Variants in OTOL1 observed in about 807,000 individuals in gnomAD.
OTOL1 encodes otolin-1.
OTOL1 carries 31 observed loss-of-function variants against 25.0 expected under a neutral mutation model. The ratio of observed to expected loss-of-function variants is 1.24; its 90% confidence interval spans 0.93 to 1.67. The LOEUF (loss-of-function observed/expected upper bound fraction) is 1.67. OTOL1 is among the 40% of genes most tolerant of loss of function. OTOL1 has a pLI of 0.00. For missense variants in OTOL1, 654 were observed against 587.7 expected, an observed-to-expected ratio of 1.11 and a Z score of -1.17; for synonymous variants, 225 against 210.3, an observed-to-expected ratio of 1.07 and a Z score of -0.61.
At chr3:161,502,180 C>G (rs925825900) in intron 2 of OTOL1, 127 bp from the exon 3 acceptor site, 114 of 840,300 alleles carry the variant, frequency 1.4e-4, no homozygotes, top group Non-Finnish European at 1.7e-4. Flanking sequence ...CATTCTTTTT[C>G]CACACGATTT....
In OTOL1 at chr3:161,503,718, A is replaced by G. The variant is rs1162419891; in HGVS notation, c.1210A>G (p.Ser404Gly). The G allele has an allele frequency of 6.2e-7, 1 of 1,613,808 alleles. No individual in the cohort carries two copies. Among genetic ancestry groups the G allele is most frequent in the Admixed American group, 1.7e-5 (1 of 60,002 alleles). Residue 404 changes from serine (S) to glycine (G), a missense_variant, in exon 4 of 4, where the codon AGT (serine) becomes GGT (glycine). Transcript: ENST00000327928. ...GGTGAGGGGGCGACCTGCTCGAATC[A>G]GTCTGGTGGCCCAGAATAAGAAGCA... ...ITVRGRPARI[S>G]LVAQNKKQFK...
Position 161,503,103 on chromosome 3 carries a change from A to T in OTOL1, c.595A>T (p.Thr199Ser). 7.1e-7 allele frequency: 1 copy of T among 1,418,334 alleles called. No individual in the cohort carries two copies. Among genetic ancestry groups the T allele is most frequent in the Non-Finnish European group, 9.2e-7 (1 of 1,084,676 alleles). The allele number at this position is 1,418,334 out of a possible 1,614,324, so 87.9% of individuals were successfully genotyped here. A position where few individuals can be genotyped will look rare whatever the true frequency, so the allele number is the denominator to read the frequency against. ...AGGACAAAAAGGCTCCAAGGGAGACACATGTGGGAATTGTACCAAAGGAGA... is the reference window on the plus strand; with the variant it reads ...AGGACAAAAAGGCTCCAAGGGAGACTCATGTGGGAATTGTACCAAAGGAGA... ...VKGQKGSKGD[T>S]CGNCTKGEKG... Residue 199 changes from threonine to serine, a missense_variant, in exon 4 of 4, where the codon ACA becomes TCA. Coordinates refer to ENST00000327928, the MANE Select transcript of OTOL1 (RefSeq NM_001080440.1).
In OTOL1 at chr3:161,499,339, A is replaced by C; in HGVS notation, c.454+79A>C. On this transcript the variant is annotated intron_variant, in intron 2 of 3. Coordinates refer to ENST00000327928, the MANE Select transcript of OTOL1 (RefSeq NM_001080440.1). ...GAGAGCAATTTGCTACTTAAAGACTAGATTCTTGCAGATGAGTCAATTTTA... is the reference window on the plus strand; with the variant it reads ...GAGAGCAATTTGCTACTTAAAGACTCGATTCTTGCAGATGAGTCAATTTTA... The C allele has an allele frequency of 3.1e-6, 3 of 955,782 alleles. No individual in the cohort carries two copies. In the South Asian group the frequency reaches 4.7e-5, roughly 15 times the overall value. The allele number at this position is 955,782 out of a possible 1,614,324, so 59.2% of individuals were successfully genotyped here.
chr3:161,503,810 A>G lies in OTOL1; in HGVS notation c.1302A>G (p.Lys434=), dbSNP rs1719043848. 6.2e-7 allele frequency: 1 copy of G among 1,613,960 alleles called. No individual in the cohort carries two copies. Among genetic ancestry groups the G allele is most frequent in the Non-Finnish European group, 8.5e-7 (1 of 1,179,874 alleles). The change falls in exon 4 of 4, where the codon AAA becomes AAG. Residue 434 remains lysine (K), a synonymous_variant. Coordinates refer to ENST00000327928, the MANE Select transcript of OTOL1 (RefSeq NM_001080440.1). ...IDQASLLVIL[K]LSAGDQVWLE... is the part of the protein sequence containing the mutation. ...AGGCCTCTCTCCTCGTCATCTTGAA[A>G]TTAAGTGCAGGAGACCAAGTCTGGC...
rs763365520 is a variant in OTOL1 at position 161,496,969 on chromosome 3, A to T, written c.162A>T (p.Glu54Asp). The T allele has an allele frequency of 1.2e-6, 2 of 1,613,522 alleles. No homozygotes were observed. The highest frequency in any genetic ancestry group is 1.7e-6 in the Non-Finnish European group (2 of 1,179,674). ...LKPSSGPPPEEEETLFTEMAE... is the reference protein window; with the variant it reads ...LKPSSGPPPEDEETLFTEMAE... ...CATCCAGTGGCCCACCTCCAGAAGA[A>T]GAAGAAACCCTCTTCACAGAAATGG... is the stretch of plus-strand genomic sequence containing the variant. Residue 54 changes from glutamate to aspartate, a missense_variant, in exon 1 of 4, where the codon GAA becomes GAT. Transcript: ENST00000327928.
At chr3:161,500,139 C>T (rs1343053762) in intron 2 of OTOL1, among the ~76,000 whole-genome samples, 2 of 152,122 alleles carry the variant, frequency 1.3e-5, no homozygotes, top group Non-Finnish European at 2.9e-5. Context: ...TGTCAAAAGG[C>T]CTAATACCAT....
At chr3:161,502,689 G>A (rs190550062) in intron 3 of OTOL1, among the ~76,000 whole-genome samples, 5 of 152,180 alleles carry the variant, frequency 3.3e-5, no homozygotes, top group African/African-American at 1.2e-4. Context: ...GGAATACCTG[G>A]GTTAGGCCAA....
At chr3:161,497,535 G>C (rs1246482329) in intron 1 of OTOL1, among the ~76,000 whole-genome samples, 1 of 152,064 alleles carries the variant, frequency 6.6e-6, no homozygotes, top group Admixed American at 6.6e-5. Context: ...TGGTGCTCTG[G>C]TTCTTCAAGA....
chr3:161,502,054 G>C (rs769473856), intron 2 of OTOL1, among the ~76,000 whole-genome samples: 25 of 152,284 alleles, frequency 1.6e-4, no homozygotes, highest in South Asian at 4.1e-4. Context: ...TTTTTGTAGA[G>C]ATGGGGTTTC....
In OTOL1 at chr3:161,503,877, G is replaced by A; in HGVS notation, c.1369G>A (p.Glu457Lys). ...KDWNGVYVSA[E>K]DDSIFTGFLL... ...TTGGAATGGGGTGTATGTCAGTGCT[G>A]AGGATGACAGCATTTTTACTGGGTT... The change falls in exon 4 of 4, where the codon GAG (glutamate) becomes AAG (lysine). Residue 457 changes from glutamate to lysine, a missense_variant. Coordinates refer to ENST00000327928, the MANE Select transcript of OTOL1 (RefSeq NM_001080440.1). 1 of 1,613,798 alleles carries A rather than the reference G, an allele frequency of 6.2e-7. No individual in the cohort carries two copies. The highest frequency in any genetic ancestry group is 8.5e-7 in the Non-Finnish European group (1 of 1,179,846).
At chr3:161,499,316 G>A in intron 2 of OTOL1, 56 bp downstream of exon 2, 1 of 1,357,926 alleles carries the variant, frequency 7.4e-7, no homozygotes, top group Non-Finnish European at 1.0e-6. Context: ...TTTTTCAGGA[G>A]AGCAATTTGC....
rs748615137 is a variant in OTOL1 at position 161,496,881 on chromosome 3, CCACACCA to C, written c.77_83del (p.Thr26IlefsTer17). ...GCTGGTATGAACACAATAGCAAAGA[CCACACCA>C]CATACCAAATTTACGAAGAAATCTG... On this transcript the variant is annotated frameshift_variant, in exon 1 of 4. Transcript: ENST00000327928. LOFTEE classifies it high-confidence loss of function. 6.2e-7 allele frequency: 1 copy of C among 1,612,928 alleles called. No homozygotes were observed.
intron 2 of OTOL1, among the ~76,000 whole-genome samples, 158 bp downstream of exon 2, chr3:161,499,418 T>C (rs573607705): frequency 2.6e-5 from 4 of 152,342 alleles, no homozygotes; most frequent in South Asian, 2.1e-4. Flanking sequence ...ATGTTAACTT[T>C]ATAAACAGCC....
Position 161,499,172 on chromosome 3 carries a change from T to C in OTOL1, c.366T>C (p.Gly122=). The C allele has an allele frequency of 1.2e-6, 2 of 1,606,436 alleles. No individual in the cohort carries two copies. Among genetic ancestry groups the C allele is most frequent in the Non-Finnish European group, 1.7e-6 (2 of 1,175,924 alleles). Residue 122 remains glycine, a splice_region_variant and synonymous_variant, in exon 2 of 4, where the codon GGT becomes GGC. Transcript: ENST00000327928. ...ATGTATTTAAAATCCCATTTCTAGG[T>C]CCTAAAGGAGAGGCTGGAAATTTGG... The part of the protein sequence containing the change: ...KGEPGETGQP[G]PKGEAGNLGI...
rs1429646440 is a variant in OTOL1 at position 161,503,433 on chromosome 3, C to T, written c.925C>T (p.Pro309Ser). Residue 309 changes from proline to serine, a missense_variant, in exon 4 of 4, where the codon CCG becomes TCG. Physicochemically the swap from Pro to Ser is moderately conservative, Grantham distance 74. Transcript: ENST00000327928. ...TCCTGGTCTCCTGGGACCTACTGGG[C>T]CGAAGGGTGACATTGGCAACAAAGG... ...GPPGLLGPTGPKGDIGNKGVR... is the reference protein window; with the variant it reads ...GPPGLLGPTGSKGDIGNKGVR... 1.2e-6 allele frequency: 2 copies of T among 1,613,276 alleles called. No homozygotes were observed. The highest frequency in any genetic ancestry group is 1.3e-5 in the African/African-American group (1 of 74,900).
chr3:161,496,814 A>G lies in OTOL1; in HGVS notation c.7A>G (p.Met3Val), dbSNP rs1560141672. ...CTTTCTTCCAGCTTCAAATATGTGG[A>G]TGTTTTCTTGGCTTTGTGCTATTTT... is the stretch of plus-strand genomic sequence containing the variant. MW[M>V]FSWLCAILII... The change falls in exon 1 of 4, where the codon ATG (methionine) becomes GTG (valine). Residue 3 changes from methionine (M) to valine (V), a missense_variant. Physicochemically the swap from Met to Val is conservative, Grantham distance 21. Coordinates refer to ENST00000327928, the MANE Select transcript of OTOL1 (RefSeq NM_001080440.1). 1.9e-6 allele frequency: 3 copies of G among 1,567,084 alleles called. No individual in the cohort carries two copies. The highest frequency in any genetic ancestry group is 4.0e-5 in the Admixed American group (2 of 50,626).
chr3:161,503,161 G>A lies in OTOL1; in HGVS notation c.653G>A (p.Gly218Asp). 1 of 1,443,692 alleles carries A rather than the reference G, an allele frequency of 6.9e-7. No individual in the cohort carries two copies. Among genetic ancestry groups the A allele is most frequent in the Non-Finnish European group, 9.1e-7 (1 of 1,097,332 alleles). The allele number at this position is 1,443,692 out of a possible 1,614,324, so 89.4% of individuals were successfully genotyped here. A position where few individuals can be genotyped will look rare whatever the true frequency, so the allele number is the denominator to read the frequency against. The stretch of plus-strand genomic sequence containing the variant: ...GACCAAGGGGCTATGGGCTCACCTG[G>A]CCTGCACGGAGGGCCTGGCGCCAAG... ...KGDQGAMGSP[G>D]LHGGPGAKGE... Residue 218 changes from glycine (G) to aspartate (D), a missense_variant, in exon 4 of 4, where the codon GGC becomes GAC. Coordinates refer to ENST00000327928, the MANE Select transcript of OTOL1 (RefSeq NM_001080440.1).
chr3:161,502,944 C>A, intron 3 of OTOL1, 82 bp from the exon 4 acceptor site: 2 of 1,112,032 alleles, frequency 1.8e-6, no homozygotes, highest in African/African-American at 1.6e-5. Flanking sequence ...AGGTTTGTTT[C>A]TACTTTTTTG....
intron 2 of OTOL1, among the ~76,000 whole-genome samples, chr3:161,499,718 T>C (rs1718926092): frequency 6.6e-6 from 1 of 152,152 alleles, no homozygotes; most frequent in Non-Finnish European, 1.5e-5. Flanking sequence ...GAATTTAATA[T>C]ATCCCTTGGC....
Sources: gnomAD v4.1 joint callset for allele counts (sites outside exome capture counted in the v4.1 genomes callset) on GRCh38, gnomAD v4.1.1 for gene constraint, MANE v1.5 for transcripts, NCBI Gene and HGNC (gene_info 2026-07-23, HGNC 2026-07-21) for gene names.